Variants in BCAR3 observed in about 807,000 individuals in gnomAD.
BCAR3 encodes breast cancer anti-estrogen resistance protein 3.
BCAR3 carries 37 observed loss-of-function variants against 80.1 expected under a neutral mutation model. The ratio of observed to expected loss-of-function variants is 0.46; its 90% CI spans 0.36 to 0.61. The LOEUF (loss-of-function observed/expected upper bound fraction) is 0.61, where lower values mean the gene tolerates loss of function less well. BCAR3 is among the 20% of genes least tolerant of loss of function. The pLI is 0.00. For synonymous variants in BCAR3, 389 were observed against 418.9 expected, an observed-to-expected ratio of 0.93 and a Z score of 0.87; for missense variants, 978 against 1,068.2, an observed-to-expected ratio of 0.92 and a Z score of 1.18.
Position 93,639,430 on chromosome 1 carries a change from C to A in BCAR3, c.357+2874G>T, listed in dbSNP as rs569803569. On this transcript the variant is annotated intron_variant, in intron 3 of 11. Transcript: ENST00000260502. ...CTCTTCTATCTGGGCACTGAAAAAA[C>A]CAAGGGAAGATGGTTGGAAAGTCTC... 9.2e-4 allele frequency among the ~76,000 whole-genome samples: 140 copies of A among 151,992 alleles called. 1 individual carries two copies. The highest frequency in any genetic ancestry group is 1.8e-3 in the Non-Finnish European group (122 of 67,962).
At position 93,827,686 on chromosome 1, in the gene BCAR3, A is replaced by G. The variant is rs111759079; in HGVS notation, c.-63+17881T>C. On this transcript the variant is annotated intron_variant, in intron 2 of 13. Coordinates refer to the BCAR3 transcript ENST00000370244. ...CTATATCCAGCCTTCTTGTAAACGC[A>G]TCTAAAAGGAAAGAGGGAGGGAGGG... 8.9e-4 allele frequency among the ~76,000 whole-genome samples: 136 copies of G among 152,092 alleles called. 3 individuals are homozygous for G. Among genetic ancestry groups the G allele is most frequent in the African/African-American group, 3.2e-3 (131 of 41,468 alleles).
At chr1:93,845,853 G>A (rs999656095) in intron 1 of BCAR3, 4 of 152,136 alleles carry the variant, frequency 2.6e-5, no homozygotes, top group Non-Finnish European at 5.9e-5. Flanking sequence ...TGTGAGAACT[G>A]GGGTCCAGGG....
At chr1:93,742,640 T>G (rs1277889959) in intron 2 of BCAR3, among the ~76,000 whole-genome samples, 1 of 152,192 alleles carries the variant, frequency 6.6e-6, no homozygotes, top group Non-Finnish European at 1.5e-5. Flanking sequence ...TGTCATCTGT[T>G]TTTGGTGAAC....
In BCAR3 at chr1:93,569,918, G is replaced by A. The variant is rs111741277; in HGVS notation, c.1974+1752C>T. On this transcript the variant is annotated intron_variant, in intron 9 of 11. Coordinates refer to ENST00000260502, the MANE Select transcript of BCAR3 (RefSeq NM_003567.4). Reference sequence around the variant, plus strand: ...GGCTTTACCCACAGCCTGGCCTGTTGGCTCTGCTGTCAAAATTCTAGGCAG... The same window carrying A: ...GGCTTTACCCACAGCCTGGCCTGTTAGCTCTGCTGTCAAAATTCTAGGCAG... Among the ~76,000 whole-genome samples the A allele has an allele frequency of 8.9e-4, 136 of 152,306 alleles. 1 individual carries two copies. Among genetic ancestry groups the A allele is most frequent in the African/African-American group, 3.1e-3 (129 of 41,586 alleles).
intron 2 of BCAR3, among the ~76,000 whole-genome samples, chr1:93,818,379 T>G (rs1447832197): frequency 1.3e-5 from 2 of 152,194 alleles, no homozygotes; most frequent in Non-Finnish European, 2.9e-5. Flanking sequence ...CTCTTCTGCC[T>G]GCAGGCTAAA....
intron 4 of BCAR3, among the ~76,000 whole-genome samples, chr1:93,591,690 C>T (rs573678487): frequency 1.8e-4 from 27 of 152,268 alleles, no homozygotes; most frequent in Non-Finnish European, 3.7e-4. Context: ...ACCCAAATGA[C>T]GATCACAAAG....
At chr1:93,715,826 A>G (rs369079825) in intron 2 of BCAR3, among the ~76,000 whole-genome samples, 1 of 152,212 alleles carries the variant, frequency 6.6e-6, no homozygotes, top group Non-Finnish European at 1.5e-5. Flanking sequence ...AACCGAGATA[A>G]AAGCTGTAGG....
rs1490054756 is a variant in BCAR3, at chr1:93,706,994, G to A, written c.-62-852C>T. 2.0e-5 allele frequency among the ~76,000 whole-genome samples: 3 copies of A among 152,128 alleles called. No individual in the cohort carries two copies. The East Asian group carries it at 5.8e-4, about 29-fold the overall frequency. ...GTTCGAGACCAGCCTGGCCAACATG[G>A]TGAAACCCCGTCTCTACTAAAAATA... On this transcript the variant is annotated intron_variant, in intron 2 of 13. Coordinates refer to the BCAR3 transcript ENST00000370244.
chr1:93,624,686 A>C (rs1675404668), intron 3 of BCAR3, among the ~76,000 whole-genome samples: 2 of 152,254 alleles, frequency 1.3e-5, no homozygotes, highest in African/African-American at 4.8e-5. Context: ...TGGGGTCCAC[A>C]AACACCTGGA....
At chr1:93,842,958 T>C (rs78674384) in intron 2 of BCAR3, among the ~76,000 whole-genome samples, 2,380 of 152,298 alleles carry the variant, frequency 0.016, 33 homozygotes, top group Non-Finnish European at 0.024. Flanking sequence ...ACTGAGATAT[T>C]TTAGGATGAA....
intron 2 of BCAR3, among the ~76,000 whole-genome samples, chr1:93,669,320 C>G (rs1418527703): frequency 6.6e-6 from 1 of 152,150 alleles, no homozygotes; most frequent in African/African-American, 2.4e-5. Context: ...GGCTTTAAAT[C>G]AATGTTTTAG....
chr1:93,788,546 C>CT (rs936491565), intron 2 of BCAR3, among the ~76,000 whole-genome samples: 2 of 152,128 alleles, frequency 1.3e-5, no homozygotes. Context: ...TGAAAAAAGA[C>CT]TTTATCTTTC....
intron 2 of BCAR3, among the ~76,000 whole-genome samples, chr1:93,755,503 C>T (rs1234971960): frequency 6.6e-6 from 1 of 152,182 alleles, no homozygotes; most frequent in Non-Finnish European, 1.5e-5. Context: ...TTTAGATACA[C>T]AAATACTTAG....
At chr1:93,658,476 G>A (rs1440786400) in intron 2 of BCAR3, among the ~76,000 whole-genome samples, 1 of 151,180 alleles carries the variant, frequency 6.6e-6, no homozygotes, top group East Asian at 2.0e-4. Context: ...GTGAGACCCC[G>A]TCTCTACAAA....
chr1:93,622,709 T>A (rs185736385), intron 3 of BCAR3, among the ~76,000 whole-genome samples: 8 of 152,180 alleles, frequency 5.3e-5, no homozygotes, highest in Admixed American at 5.2e-4. Flanking sequence ...AAGGACCTCA[T>A]TGACTGCCGG....
chr1:93,764,928 C>T (rs1044194787), intron 2 of BCAR3, among the ~76,000 whole-genome samples: 1 of 152,062 alleles, frequency 6.6e-6, no homozygotes, highest in Non-Finnish European at 1.5e-5. Context: ...AAGGTGTCCG[C>T]CCCACTGTAG....
intron 2 of BCAR3, among the ~76,000 whole-genome samples, chr1:93,669,350 T>C (rs533861130): frequency 1.1e-4 from 16 of 152,326 alleles, no homozygotes; most frequent in South Asian, 1.0e-3. Context: ...GCTGCATAGA[T>C]TCTGGACCTT....
chr1:93,657,493 T>C (rs1647443012), intron 2 of BCAR3, among the ~76,000 whole-genome samples: 3 of 152,116 alleles, frequency 2.0e-5, no homozygotes, highest in African/African-American at 7.2e-5. Context: ...CATAGGCTAA[T>C]ATCACATGAG....
At chr1:93,655,397 G>C (rs1230481691) in intron 2 of BCAR3, among the ~76,000 whole-genome samples, 1 of 152,100 alleles carries the variant, frequency 6.6e-6, no homozygotes, top group East Asian at 1.9e-4. Context: ...GGAGGTGGGG[G>C]GATGGTGTAC....
Sources: gnomAD v4.1 joint callset for allele counts (sites outside exome capture counted in the v4.1 genomes callset) on GRCh38, gnomAD v4.1.1 for gene constraint, MANE v1.5 for transcripts, NCBI Gene and HGNC (gene_info 2026-07-23, HGNC 2026-07-21) for gene names.